C2orf92: variants seen among roughly 807,000 people sequenced by gnomAD.
The protein encoded by C2orf92 is uncharacterized protein C2orf92.
intron 6 of C2orf92, among the ~76,000 whole-genome samples, 153 bp from the exon 7 acceptor site, chr2:97,700,980 CTCAGCCTCCCAAAGTGCTGGG>C (rs1676476455): frequency 6.6e-6 from 1 of 152,206 alleles, no homozygotes; most frequent in Non-Finnish European, 1.5e-5. Flanking sequence ...ATCCGCCCGC[CTCAGCCTCCCAAAGTGCTGGG>C]ATTACAGGCG....
intron 5 of C2orf92, among the ~76,000 whole-genome samples, chr2:97,693,692 G>A (rs2104591405): frequency 6.6e-6 from 1 of 152,278 alleles, no homozygotes; most frequent in African/African-American, 2.4e-5. Flanking sequence ...TTGGGCCTGG[G>A]CCCAGCTTTT....
rs186286351 is a variant in C2orf92 at position 97,674,915 on chromosome 2, C to T, written c.148+358C>T. Among the ~76,000 whole-genome samples, 4 of 152,284 alleles carry T rather than the reference C, an allele frequency of 2.6e-5. No individual in the cohort carries two copies. In the East Asian group the frequency reaches 7.7e-4, roughly 29 times the overall value. Reference sequence around the variant, plus strand: ...GAGAAGTGTAATCACTTTCTGTTCACCAGCGCTTTATAGGTCACTGCCCAG... The same window carrying T: ...GAGAAGTGTAATCACTTTCTGTTCATCAGCGCTTTATAGGTCACTGCCCAG... On this transcript the variant is annotated intron_variant, in intron 2 of 7. Transcript: ENST00000627399.
At chr2:97,668,400 G>A (rs970924284), upstream of C2orf92, 12 of 152,158 alleles carry the variant, frequency 7.9e-5, no homozygotes, top group African/African-American at 2.4e-4. Flanking sequence ...GCCCTAATCC[G>A]ATATGATCCT....
intron 1 of C2orf92, among the ~76,000 whole-genome samples, chr2:97,672,121 G>C (rs563594056): frequency 6.6e-6 from 1 of 152,076 alleles, no homozygotes; most frequent in Admixed American, 6.6e-5. Flanking sequence ...CCAAAGGCCA[G>C]TGAAGTCTCT....
At chr2:97,674,263 A>G in intron 1 of C2orf92, 193 bp from the exon 2 acceptor site, 1 of 382,922 alleles carries the variant, frequency 2.6e-6, no homozygotes, top group Non-Finnish European at 4.6e-6. Flanking sequence ...TGCTGCCCCA[A>G]ATGTCTCATG....
chr2:97,683,369 A>C (rs906539597), intron 3 of C2orf92, among the ~76,000 whole-genome samples: 10 of 152,042 alleles, frequency 6.6e-5, no homozygotes, highest in African/African-American at 2.4e-4. Flanking sequence ...GAAACAAAGA[A>C]TCTCATGTTC....
chr2:97,690,403 C>A (rs1404076760), intron 5 of C2orf92, 76 bp downstream of exon 5: 2 of 384,068 alleles, frequency 5.2e-6, no homozygotes, highest in African/African-American at 2.1e-5. Context: ...TTTTTTGAGA[C>A]GGAGTCTCAC....
intron 3 of C2orf92, among the ~76,000 whole-genome samples, chr2:97,676,449 G>GAA (rs58388976): frequency 1.0e-5 from 1 of 99,156 alleles, no homozygotes; most frequent in East Asian, 3.1e-4. Context: ...AAAAAAAAAA[G>GAA]AAAAAAAAAA....
chr2:97,696,647 A>G (rs902286601), intron 5 of C2orf92, among the ~76,000 whole-genome samples: 1 of 152,148 alleles, frequency 6.6e-6, no homozygotes, highest in African/African-American at 2.4e-5. Context: ...GAGGCAGGAA[A>G]ATTGCTTGAA....
intron 3 of C2orf92, among the ~76,000 whole-genome samples, chr2:97,686,407 G>T (rs1675961011): frequency 6.6e-6 from 1 of 151,854 alleles, no homozygotes; most frequent in Non-Finnish European, 1.5e-5. Context: ...TAGAGTTTCT[G>T]TTTCAGTCGA....
intron 5 of C2orf92, among the ~76,000 whole-genome samples, chr2:97,691,448 C>T (rs1031097215): frequency 2.6e-5 from 4 of 152,178 alleles, no homozygotes; most frequent in Admixed American, 2.6e-4. Context: ...CTGCCTCCAG[C>T]TAGGAGCAGA....
intron 3 of C2orf92, among the ~76,000 whole-genome samples, chr2:97,684,091 AG>A (rs1166766808): frequency 1.4e-5 from 2 of 141,370 alleles, no homozygotes; most frequent in Non-Finnish European, 3.0e-5. Context: ...GCTGGAGTGC[AG>A]TGGTGTGATC....
At chr2:97,673,587 A>G (rs1177151454) in intron 1 of C2orf92, among the ~76,000 whole-genome samples, 1 of 151,686 alleles carries the variant, frequency 6.6e-6, no homozygotes, top group Non-Finnish European at 1.5e-5. Flanking sequence ...TCCAGAACCC[A>G]CCCTTACCAG....
At chr2:97,685,396 G>C (rs1311892566) in intron 3 of C2orf92, among the ~76,000 whole-genome samples, 1 of 150,564 alleles carries the variant, frequency 6.6e-6, no homozygotes, top group Non-Finnish European at 1.5e-5. Flanking sequence ...CTCCTGAGTA[G>C]CTGGGACTAC....
At chr2:97,671,481 G>A (rs1035820720) in intron 1 of C2orf92, 1 of 398,544 alleles carries the variant, frequency 2.5e-6, no homozygotes, top group Non-Finnish European at 4.4e-6. Flanking sequence ...TCCTGATGAA[G>A]GTTTGGCTAA....
chr2:97,669,801 A>G lies in C2orf92; in HGVS notation c.13A>G (p.Met5Val), dbSNP rs147834661. 683 of 398,694 alleles carry G rather than the reference A, an allele frequency of 1.7e-3. 2 individuals carry two copies. The highest frequency in any genetic ancestry group is 3.4e-3 in the South Asian group (27 of 7,860). The allele number at this position is 398,694 out of a possible 1,614,324, so 24.7% of individuals were successfully genotyped here. MSRAMALFFVLCWIQ... is the reference protein window; with the variant it reads MSRAVALFFVLCWIQ... Reference sequence around the variant, plus strand: ...GACTAAGGCAAAGATGAGCAGAGCCATGGCCCTCTTCTTTGTTCTCTGCTG... The same window carrying G: ...GACTAAGGCAAAGATGAGCAGAGCCGTGGCCCTCTTCTTTGTTCTCTGCTG... Residue 5 changes from methionine (M) to valine (V), a missense_variant, in exon 1 of 8, where the codon ATG becomes GTG. By Grantham distance (21) the Met-to-Val change is conservative. Transcript: ENST00000627399.
chr2:97,689,351 C>G (rs958200923), intron 4 of C2orf92, among the ~76,000 whole-genome samples: 14 of 152,190 alleles, frequency 9.2e-5, no homozygotes, highest in Non-Finnish European at 1.6e-4. Flanking sequence ...ACCCAACACA[C>G]GAATCCTTCT....
At chr2:97,670,321 G>A (rs1435575902) in intron 1 of C2orf92, 1 of 152,020 alleles carries the variant, frequency 6.6e-6, no homozygotes, top group Non-Finnish European at 1.5e-5. Context: ...ATGAGAGCCT[G>A]TCTGTATAAA....
intron 3 of C2orf92, among the ~76,000 whole-genome samples, chr2:97,683,366 A>C (rs1003791363): frequency 6.6e-6 from 1 of 152,126 alleles, no homozygotes; most frequent in African/African-American, 2.4e-5. Context: ...AGAGAAACAA[A>C]GAATCTCATG....
Sources: gnomAD v4.1 joint callset for allele counts (sites outside exome capture counted in the v4.1 genomes callset) on GRCh38, gnomAD v4.1.1 for gene constraint, MANE v1.5 for transcripts, NCBI Gene and HGNC (gene_info 2026-07-23, HGNC 2026-07-21) for gene names.